The following FAM200B variants were observed in gnomAD, a reference collection of about 807,000 sequenced individuals.
FAM200B encodes zinc finger BED-type containing 11.
Under a neutral mutation model 33.1 loss-of-function variants are expected in FAM200B, and 32 were observed. That is an observed-to-expected ratio of 0.97 (90% confidence interval 0.73 to 1.30). The LOEUF is 1.30. Ranked by LOEUF, FAM200B falls within the 50% of genes most tolerant of loss-of-function variation. The pLI is 0.00. For synonymous variants in FAM200B, 240 were observed against 264.8 expected, an observed-to-expected ratio of 0.91 and a Z score of 0.91; for missense variants, 741 against 754.0, an observed-to-expected ratio of 0.98 and a Z score of 0.20.
At position 15,686,513 on chromosome 4, in the gene FAM200B, G is replaced by C. The variant is rs994906597; in HGVS notation, c.-465G>C. 1 of 152,542 alleles carries C rather than the reference G, an allele frequency of 6.6e-6. No individual in the cohort carries two copies. 9.4% of individuals were successfully genotyped at this position (152,542 alleles called of 1,614,324 possible). A position where few individuals can be genotyped will look rare whatever the true frequency, so the allele number is the denominator to read the frequency against. ...TGTCTCTATATCAGTATTTTTCATG[G>C]TATATGTGAGACCCATTAGTGAGGC... is the stretch of plus-strand genomic sequence containing the variant. On this transcript the variant is annotated 5_prime_UTR_variant, in exon 2 of 2. Coordinates refer to ENST00000422728, the MANE Select transcript of FAM200B (RefSeq NM_001145191.2).
the FAM200B span, among the ~76,000 whole-genome samples, chr4:15,637,902 TA>T: frequency 0.28 from 40,970 of 144,672 alleles, 5,809 homozygotes; most frequent in East Asian, 0.47. Context: ...CTAGTTTTTT[TA>T]AAAAAAAAAA....
At chr4:15,678,990 A>G (rs1718096459), upstream of FAM200B, among the ~76,000 whole-genome samples, 1 of 152,210 alleles carries the variant, frequency 6.6e-6, no homozygotes, top group South Asian at 2.1e-4. Context: ...AACTACATTG[A>G]TAATAGTCTC....
chr4:15,682,477 C>G (rs1718401281), intron 1 of FAM200B, among the ~76,000 whole-genome samples: 1 of 152,224 alleles, frequency 6.6e-6, no homozygotes, highest in Admixed American at 6.5e-5. Context: ...TCTACCCCGT[C>G]TCATTCTCTT....
At chr4:15,683,352 TC>T (rs1287174285) in intron 1 of FAM200B, among the ~76,000 whole-genome samples, 1 of 152,200 alleles carries the variant, frequency 6.6e-6, no homozygotes, top group Non-Finnish European at 1.5e-5. Flanking sequence ...CCAGACCTGT[TC>T]CCTAATATAC....
the FAM200B span, among the ~76,000 whole-genome samples, chr4:15,674,795 G>T: frequency 2.6e-5 from 4 of 151,806 alleles, no homozygotes; most frequent in African/African-American, 7.3e-5. Context: ...GACTACAGGC[G>T]CATGCCACCA....
the FAM200B span, among the ~76,000 whole-genome samples, chr4:15,645,092 G>A: frequency 0.091 from 13,844 of 151,720 alleles, 773 homozygotes; most frequent in Non-Finnish European, 0.12. Flanking sequence ...ACAACAGACG[G>A]GTAGATGAAA....
the FAM200B span, among the ~76,000 whole-genome samples, chr4:15,646,032 G>A: frequency 1.3e-5 from 2 of 152,148 alleles, no homozygotes; most frequent in Admixed American, 6.6e-5. Context: ...CAATACATAA[G>A]TAAATAATCT....
the FAM200B span, among the ~76,000 whole-genome samples, chr4:15,640,635 T>C: frequency 1.3e-5 from 2 of 152,084 alleles, no homozygotes; most frequent in South Asian, 4.1e-4. Flanking sequence ...GTTTTTTTTT[T>C]CCCTTGGGTT....
At chr4:15,657,668 TTTTTC>T in the FAM200B span, among the ~76,000 whole-genome samples, 1 of 152,240 alleles carries the variant, frequency 6.6e-6, no homozygotes, top group Non-Finnish European at 1.5e-5. Flanking sequence ...CTGTGAGTAA[TTTTTC>T]CCATGGAAAG....
rs1370219941 is a variant in FAM200B, at chr4:15,686,838, A to C, written c.-140A>C. The C allele has an allele frequency of 2.1e-6, 1 of 466,406 alleles. No homozygotes were observed. The highest frequency in any genetic ancestry group is 3.8e-6 in the Non-Finnish European group (1 of 262,060). 28.9% of individuals were successfully genotyped at this position (466,406 alleles called of 1,614,324 possible). A position where few individuals can be genotyped will look rare whatever the true frequency, so the allele number is the denominator to read the frequency against. ...TACAATTACTTGCAACTAGTTGTGA[A>C]GTCTGAAATATTCGATTCAATTGCA... is the stretch of plus-strand genomic sequence containing the variant. On this transcript the variant is annotated 5_prime_UTR_variant, in exon 2 of 2. Coordinates refer to ENST00000422728, the MANE Select transcript of FAM200B (RefSeq NM_001145191.2).
chr4:15,688,758 T>G lies in FAM200B; in HGVS notation c.1781T>G (p.Leu594Ter). The G allele has an allele frequency of 6.4e-7, 1 of 1,550,634 alleles. No homozygotes were observed. Among genetic ancestry groups the G allele is most frequent in the African/African-American group, 1.4e-5 (1 of 73,146 alleles). Residue 594 changes from leucine (L) to a stop codon, truncating the protein, a stop_gained, in exon 2 of 2, where the codon TTA (leucine) becomes TGA (stop). Transcript: ENST00000422728. LOFTEE classifies it high-confidence loss of function. ...AAGGTAAAGGAAGACTTTCCATTGT[T>G]AAGTAGAAAGAGTGTCCTGCTATTG... ...WMKVKEDFPL[L>*]SRKSVLLLLP...
chr4:15,661,134 A>G, the FAM200B span, among the ~76,000 whole-genome samples: 1 of 152,258 alleles, frequency 6.6e-6, no homozygotes, highest in Admixed American at 6.5e-5. Flanking sequence ...TGTGTAACCA[A>G]TTTAACTGTG....
the FAM200B span, among the ~76,000 whole-genome samples, chr4:15,653,226 T>C: frequency 6.6e-6 from 1 of 152,220 alleles, no homozygotes; most frequent in African/African-American, 2.4e-5. Context: ...AGTAATAATT[T>C]TGACTTACAC....
chr4:15,678,499 A>G (rs1045649961), upstream of FAM200B, among the ~76,000 whole-genome samples: 23 of 152,236 alleles, frequency 1.5e-4, no homozygotes, highest in Non-Finnish European at 2.8e-4. Context: ...CAAACGAAGA[A>G]AAGCTACAAT....
At chr4:15,682,196 T>G (rs1718363213) in intron 1 of FAM200B, among the ~76,000 whole-genome samples, 1 of 152,190 alleles carries the variant, frequency 6.6e-6, no homozygotes, top group African/African-American at 2.4e-5. Context: ...CCTGGCAGTT[T>G]CCACTCTTAA....
At chr4:15,644,877 A>G in the FAM200B span, among the ~76,000 whole-genome samples, 2 of 152,256 alleles carry the variant, frequency 1.3e-5, no homozygotes, top group Non-Finnish European at 2.9e-5. Context: ...ATGGTATAAT[A>G]AAAAGTGCAC....
chr4:15,688,839 TA>T lies in FAM200B; in HGVS notation c.1867del (p.Thr623GlnfsTer7). Reference protein sequence around the residue: ...CELGFSILTQLKTKERNGLNC... With the variant: ...CELGFSILTQXKTKERNGLNC... Reference sequence around the variant, plus strand: ...CTAGGGTTTTCCATCTTAACGCAGTTAAAAACAAAGGAAAGAAATGGGCTGA... The same window carrying T: ...CTAGGGTTTTCCATCTTAACGCAGTTAAAACAAAGGAAAGAAATGGGCTGA... On this transcript the variant is annotated frameshift_variant, in exon 2 of 2. Transcript: ENST00000422728. LOFTEE classifies it high-confidence loss of function. The T allele has an allele frequency of 6.4e-7, 1 of 1,551,522 alleles. No homozygotes were observed. The highest frequency in any genetic ancestry group is 8.7e-7 in the Non-Finnish European group (1 of 1,146,878).
In FAM200B at chr4:15,687,321, T is replaced by A; in HGVS notation, c.344T>A (p.Ile115Asn). The A allele has an allele frequency of 1.3e-6, 2 of 1,546,004 alleles. No homozygotes were observed. Among genetic ancestry groups the A allele is most frequent in the South Asian group, 2.4e-5 (2 of 82,808 alleles). The change falls in exon 2 of 2, where the codon ATT (isoleucine) becomes AAT (asparagine). Residue 115 changes from isoleucine to asparagine, a missense_variant. Transcript: ENST00000422728. ...TTAGAAACTCAGCATGCTGAACTTA[T>A]TGATAAGCCTCTTGAATATTTTCAA... ...RHLETQHAEL[I>N]DKPLEYFQRK...
At chr4:15,680,956 T>C (rs1718228988), upstream of FAM200B, among the ~76,000 whole-genome samples, 1 of 148,400 alleles carries the variant, frequency 6.7e-6, no homozygotes, top group South Asian at 2.1e-4. Context: ...TGTTTTTTGT[T>C]TCACATATAT....
Sources: allele counts gnomAD v4.1 joint callset (sites outside exome capture counted in the v4.1 genomes callset), GRCh38; gene constraint gnomAD v4.1.1; transcripts MANE v1.5; gene names NCBI Gene and HGNC (gene_info 2026-07-23, HGNC 2026-07-21).